CCSER1: variants seen among roughly 807,000 people sequenced by gnomAD.
CCSER1 encodes the protein coiled-coil serine rich protein 1.
In CCSER1, 41 loss-of-function variants were observed where a neutral mutation model predicts 82.0. That is an observed-to-expected ratio of 0.50 (90% CI 0.39 to 0.65). The LOEUF (loss-of-function observed/expected upper bound fraction) is 0.65, where lower values mean the gene tolerates loss of function less well. Ranked by LOEUF, CCSER1 falls within the 30% of genes least tolerant of loss-of-function variation. The probability of loss-of-function intolerance (pLI) is 0.00; values close to 1 mark genes in which losing one functional copy is unlikely to be tolerated. For missense variants in CCSER1, 1,119 were observed against 1,064.2 expected (o/e 1.05, Z -0.72); for synonymous variants, 414 against 383.9 (o/e 1.08, Z -0.92).
chr4:91,073,971 C>A (rs1054433090), intron 9 of CCSER1, among the ~76,000 whole-genome samples: 2 of 152,116 alleles, frequency 1.3e-5, no homozygotes, highest in Admixed American at 1.3e-4. Flanking sequence ...TATCATCCAA[C>A]AATGTGTTTC....
At chr4:91,549,459 T>G (rs956187446) in intron 10 of CCSER1, among the ~76,000 whole-genome samples, 2 of 151,758 alleles carry the variant, frequency 1.3e-5, no homozygotes, top group Non-Finnish European at 2.9e-5. Flanking sequence ...CTGAGTAAAA[T>G]AAACTGTGGA....
chr4:90,231,755 C>A (rs188657549), intron 1 of CCSER1, among the ~76,000 whole-genome samples: 2,514 of 152,084 alleles, frequency 0.017, 74 homozygotes, highest in Admixed American at 0.048. Flanking sequence ...CCTTAAGCTG[C>A]TAAGCAACTT....
At chr4:90,772,113 G>A (rs545400040) in intron 7 of CCSER1, among the ~76,000 whole-genome samples, 7 of 151,858 alleles carry the variant, frequency 4.6e-5, no homozygotes, top group African/African-American at 1.2e-4. Context: ...CAATAAAAAA[G>A]GAAATAATTT....
chr4:90,437,349 T>C (rs918293441), intron 4 of CCSER1, among the ~76,000 whole-genome samples: 1 of 152,086 alleles, frequency 6.6e-6, no homozygotes, highest in Non-Finnish European at 1.5e-5. Flanking sequence ...TAGTGAACAA[T>C]ATATTTTTAT....
chr4:90,666,181 C>T (rs998950293), intron 6 of CCSER1, among the ~76,000 whole-genome samples: 10 of 152,072 alleles, frequency 6.6e-5, no homozygotes, highest in Non-Finnish European at 1.2e-4. Context: ...AAAAACTTTG[C>T]TCTTCAAAGT....
At chr4:90,335,549 A>G (rs1469940227) in intron 3 of CCSER1, among the ~76,000 whole-genome samples, 3 of 152,216 alleles carry the variant, frequency 2.0e-5, no homozygotes, top group African/African-American at 7.2e-5. Context: ...TTCATGATTA[A>G]GCCTTATATA....
chr4:90,545,817 G>A (rs10021478), intron 5 of CCSER1, among the ~76,000 whole-genome samples: 72,014 of 152,056 alleles, frequency 0.47, 21,549 homozygotes, highest in African/African-American at 0.86. Context: ...CTAAAACATA[G>A]TTTCCTTTAA....
At chr4:90,422,744 G>A (rs907048262) in intron 4 of CCSER1, among the ~76,000 whole-genome samples, 4 of 152,138 alleles carry the variant, frequency 2.6e-5, no homozygotes, top group Non-Finnish European at 5.9e-5. Context: ...TTAGGCAGGC[G>A]ACTTTGGGTA....
At chr4:90,568,370 C>A (rs1779656738) in intron 5 of CCSER1, among the ~76,000 whole-genome samples, 1 of 152,110 alleles carries the variant, frequency 6.6e-6, no homozygotes, top group Non-Finnish European at 1.5e-5. Flanking sequence ...ATATATAATT[C>A]TTATATTCTC....
chr4:90,922,545 T>C (rs545797655), intron 8 of CCSER1, among the ~76,000 whole-genome samples: 7 of 152,254 alleles, frequency 4.6e-5, no homozygotes, highest in South Asian at 2.1e-4. Context: ...TGGAATCCCA[T>C]GAATTTCTTT....
intron 10 of CCSER1, among the ~76,000 whole-genome samples, chr4:91,367,317 CA>C (rs557952182): frequency 0.058 from 4,328 of 75,044 alleles, 66 homozygotes; most frequent in South Asian, 0.15. Context: ...ATCCTGTCTC[CA>C]AAAAAAAAAA....
chr4:91,262,852 G>A (rs1040265891), intron 10 of CCSER1, among the ~76,000 whole-genome samples: 72 of 147,996 alleles, frequency 4.9e-4, no homozygotes, highest in African/African-American at 1.7e-3. Flanking sequence ...CTTATCATAT[G>A]AAAAAAAAAA....
chr4:90,174,272 G>A (rs571973361), intron 1 of CCSER1, among the ~76,000 whole-genome samples: 1 of 151,882 alleles, frequency 6.6e-6, no homozygotes, highest in Non-Finnish European at 1.5e-5. Flanking sequence ...AAAGTGTAAA[G>A]CATACAAAAA....
chr4:90,481,704 A>G (rs1329380112), intron 5 of CCSER1, among the ~76,000 whole-genome samples: 1 of 152,232 alleles, frequency 6.6e-6, no homozygotes, highest in African/African-American at 2.4e-5. Context: ...GCAGCCTTGC[A>G]TCCCAGGGAT....
intron 8 of CCSER1, among the ~76,000 whole-genome samples, chr4:90,871,457 A>C (rs565065042): frequency 6.6e-6 from 1 of 151,958 alleles, no homozygotes; most frequent in African/African-American, 2.4e-5. Flanking sequence ...TTTAATTTCC[A>C]TGGGCTTGTG....
chr4:91,416,143 AG>A (rs1753348792), intron 10 of CCSER1, among the ~76,000 whole-genome samples: 1 of 152,084 alleles, frequency 6.6e-6, no homozygotes, highest in South Asian at 2.1e-4. Context: ...ACAGGTAACA[AG>A]GGAAGTGAAG....
chr4:90,474,911 T>C (rs976361413), intron 5 of CCSER1, among the ~76,000 whole-genome samples: 4 of 152,200 alleles, frequency 2.6e-5, no homozygotes, highest in African/African-American at 9.7e-5. Flanking sequence ...TTATTACTAA[T>C]TGTAATTATG....
chr4:90,476,544 T>G (rs1194720829), intron 5 of CCSER1, among the ~76,000 whole-genome samples: 3 of 152,196 alleles, frequency 2.0e-5, no homozygotes. Flanking sequence ...ATCAATCTTC[T>G]GTATTTTTTT....
chr4:90,701,950 T>C (rs908851740), intron 6 of CCSER1, among the ~76,000 whole-genome samples: 2 of 152,174 alleles, frequency 1.3e-5, no homozygotes, highest in African/African-American at 4.8e-5. Context: ...CTTTTCCTAA[T>C]TGAATATGCT....
Sources: gnomAD v4.1 joint callset for allele counts (sites outside exome capture counted in the v4.1 genomes callset) on GRCh38, gnomAD v4.1.1 for gene constraint, MANE v1.5 for transcripts, NCBI Gene and HGNC (gene_info 2026-07-23, HGNC 2026-07-21) for gene names.